The following KNL1 variants were observed in gnomAD, a reference collection of about 807,000 sequenced individuals.
The protein encoded by KNL1 is outer kinetochore KNL1 complex subunit KNL1.
KNL1 carries 66 observed loss-of-function variants against 201.3 expected under a neutral mutation model. The ratio of observed to expected loss-of-function variants is 0.33; its 90% CI spans 0.27 to 0.40. KNL1 has a LOEUF of 0.40. Among genes scored for constraint, KNL1 ranks in the 10% least tolerant of loss-of-function variants. KNL1 has a pLI of 1.00. For missense variants in KNL1, 2,815 were observed against 2,690.5 expected, an observed-to-expected ratio of 1.05 and a Z score of -1.02; for synonymous variants, 895 against 899.2, an observed-to-expected ratio of 1.00 and a Z score of 0.08.
intron 13 of KNL1, among the ~76,000 whole-genome samples, chr15:40,633,834 A>G (rs574054629): frequency 2.0e-5 from 3 of 152,222 alleles, no homozygotes; most frequent in African/African-American, 7.2e-5. Context: ...CACCATGCCC[A>G]GCCCTTATCG....
In KNL1 at chr15:40,622,686, T is replaced by C; in HGVS notation, c.2422T>C (p.Cys808Arg). The change falls in exon 10 of 26, where the codon TGT becomes CGT. Residue 808 changes from cysteine (C) to arginine (R), a missense_variant. Physicochemically the swap from Cys to Arg is radical, Grantham distance 180. Transcript: ENST00000399668. ...ACAGATAGCTGTAAAAGTTGAAAAA[T>C]GTGGTAAAAGTCCCATAGAAAAAAG... ...NRQIAVKVEK[C>R]GKSPIEKSGV... 6.3e-7 allele frequency: 1 copy of C among 1,590,628 alleles called. No individual in the cohort carries two copies. The highest frequency in any genetic ancestry group is 8.5e-7 in the Non-Finnish European group (1 of 1,171,340).
At chr15:40,634,607 C>G (rs1352352506) in intron 13 of KNL1, among the ~76,000 whole-genome samples, 2 of 152,134 alleles carry the variant, frequency 1.3e-5, no homozygotes, top group Non-Finnish European at 2.9e-5. Context: ...ACCATGATAG[C>G]TGCCAGTAGA....
intron 13 of KNL1, among the ~76,000 whole-genome samples, chr15:40,632,344 C>T (rs1280219372): frequency 1.3e-5 from 2 of 152,078 alleles, no homozygotes; most frequent in African/African-American, 2.4e-5. Context: ...TGCCATGGCT[C>T]ACATCTGTAA....
chr15:40,642,740 G>C (rs1041977355), intron 14 of KNL1, among the ~76,000 whole-genome samples: 3 of 152,082 alleles, frequency 2.0e-5, no homozygotes, highest in African/African-American at 4.8e-5. Context: ...CGATTCTCTT[G>C]CCTCAGCCTC....
intron 10 of KNL1, among the ~76,000 whole-genome samples, chr15:40,626,260 C>A (rs1051323730): frequency 1.3e-5 from 2 of 151,056 alleles, no homozygotes; most frequent in Non-Finnish European, 3.0e-5. Flanking sequence ...TCAAGTGATT[C>A]TCCTGCCTCA....
At chr15:40,661,838 C>A (rs182833289) in intron 25 of KNL1, among the ~76,000 whole-genome samples, 1 of 151,920 alleles carries the variant, frequency 6.6e-6, no homozygotes, top group Admixed American at 6.6e-5. Flanking sequence ...GCCAGGAGAT[C>A]GAGACCATCC....
In KNL1 at chr15:40,629,902, G is replaced by C. The variant is rs1892864961; in HGVS notation, c.5682+531G>C. 1.3e-5 allele frequency among the ~76,000 whole-genome samples: 2 copies of C among 152,028 alleles called. 1 individual carries two copies. Among genetic ancestry groups the C allele is most frequent in the South Asian group, 4.1e-4 (2 of 4,822 alleles). Reference sequence around the variant, plus strand: ...CATGGATTTCGATAAGATAAAATTTGAATTTTCCCTTCATTCCTTGCCATC... The same window carrying C: ...CATGGATTTCGATAAGATAAAATTTCAATTTTCCCTTCATTCCTTGCCATC... On this transcript the variant is annotated intron_variant, in intron 13 of 25. Coordinates refer to ENST00000399668, the MANE Select transcript of KNL1 (RefSeq NM_144508.5).
At chr15:40,655,082 G>C in intron 22 of KNL1, 105 bp downstream of exon 22, 2 of 799,768 alleles carry the variant, frequency 2.5e-6, no homozygotes, top group South Asian at 3.1e-5. Context: ...TGGATCACCA[G>C]GGGTCAGGAG....
At position 40,618,792 on chromosome 15, in the gene KNL1, G is replaced by A. The variant is rs547914081; in HGVS notation, c.323-167G>A. Among the ~76,000 whole-genome samples, 185 of 152,150 alleles carry A rather than the reference G, an allele frequency of 1.2e-3. 1 individual carries two copies. Among genetic ancestry groups the A allele is most frequent in the Non-Finnish European group, 2.1e-3 (144 of 68,002 alleles). On this transcript the variant is annotated intron_variant, in intron 8 of 25. Transcript: ENST00000399668. ...GTAACACAAAAATATGTACAACAATGATGTATCAATTTTTAAAAAATTAAA... is the reference window on the plus strand; with the variant it reads ...GTAACACAAAAATATGTACAACAATAATGTATCAATTTTTAAAAAATTAAA...
At chr15:40,653,547 T>A (rs75902045) in intron 21 of KNL1, among the ~76,000 whole-genome samples, 1,951 of 152,278 alleles carry the variant, frequency 0.013, 44 homozygotes, top group African/African-American at 0.044. Context: ...CTGTCAATAA[T>A]CATCTCTAAC....
chr15:40,615,680 G>T (rs369191429), intron 8 of KNL1: 1 of 158,620 alleles, frequency 6.3e-6, no homozygotes, highest in Non-Finnish European at 1.4e-5. Context: ...CAGGGGAATC[G>T]CTTGAACCCA....
At chr15:40,629,471 C>CTTTTT in intron 13 of KNL1, 100 bp downstream of exon 13, 1 of 190,768 alleles carries the variant, frequency 5.2e-6, no homozygotes, top group Non-Finnish European at 9.2e-6. Flanking sequence ...AGAGAGTTTT[C>CTTTTT]TTTTTTTTTT....
chr15:40,650,529 TTTC>T lies in KNL1; in HGVS notation c.6173-13_6173-11del. On this transcript the variant is annotated splice_polypyrimidine_tract_variant and intron_variant, in intron 18 of 25. Transcript: ENST00000399668. Reference sequence around the variant, plus strand: ...ATATGTTTGTTCTGTTTTTTTTTTTTTTCTGTTTCCAAAGAATTGGAACAGCTG... The same window carrying T: ...ATATGTTTGTTCTGTTTTTTTTTTTTTGTTTCCAAAGAATTGGAACAGCTG... The T allele has an allele frequency of 6.4e-7, 1 of 1,556,038 alleles. No individual in the cohort carries two copies. Among genetic ancestry groups the T allele is most frequent in the South Asian group, 1.2e-5 (1 of 81,836 alleles).
In KNL1 at chr15:40,663,840, T is replaced by A. The variant is rs1442041569; in HGVS notation, c.*1652T>A. ...TTTGTCTCAAAATTTTGCTTTATAT[T>A]TTTGGATCAGGTTAAAGTCCTGTGG... On this transcript the variant is annotated 3_prime_UTR_variant, in exon 26 of 26. Transcript: ENST00000399668. 1.0e-5 allele frequency: 2 copies of A among 193,020 alleles called. No homozygotes were observed. The highest frequency in any genetic ancestry group is 1.1e-5 in the Non-Finnish European group (1 of 92,556). 12.0% of individuals were successfully genotyped at this position (193,020 alleles called of 1,614,324 possible).
chr15:40,626,390 C>T (rs1003339753), intron 10 of KNL1, among the ~76,000 whole-genome samples: 6 of 149,492 alleles, frequency 4.0e-5, no homozygotes, highest in East Asian at 2.0e-4. Context: ...AGGCTGGTCT[C>T]GAACTCCTGA....
At position 40,623,805 on chromosome 15, in the gene KNL1, A is replaced by G. The variant is rs757300073; in HGVS notation, c.3541A>G (p.Lys1181Glu). Residue 1181 changes from lysine to glutamate, a missense_variant, in exon 10 of 26, where the codon AAA becomes GAA. By Grantham distance (56) the Lys-to-Glu change is moderately conservative. Coordinates refer to ENST00000399668, the MANE Select transcript of KNL1 (RefSeq NM_144508.5). ...TTTCATTGACTGTCAAGCCACAGAGAAAATACTTGAAGAAAACCCTAAATT... is the reference window on the plus strand; with the variant it reads ...TTTCATTGACTGTCAAGCCACAGAGGAAATACTTGAAGAAAACCCTAAATT... ...TVFIDCQATE[K>E]ILEENPKFGI... is the part of the protein sequence containing the mutation. The G allele has an allele frequency of 1.2e-6, 2 of 1,613,646 alleles. No homozygotes were observed. Among genetic ancestry groups the G allele is most frequent in the South Asian group, 1.1e-5 (1 of 91,046 alleles).
chr15:40,646,907 C>A, intron 16 of KNL1, 80 bp from the exon 17 acceptor site: 2 of 621,106 alleles, frequency 3.2e-6, no homozygotes, highest in South Asian at 1.8e-5. Flanking sequence ...CATGATAGAG[C>A]GATTATGTGA....
chr15:40,645,442 G>A (rs533784773), intron 15 of KNL1, among the ~76,000 whole-genome samples: 25 of 152,272 alleles, frequency 1.6e-4, no homozygotes, highest in African/African-American at 5.8e-4. Context: ...TTAACTAAGA[G>A]CCTGTCATTT....
intron 17 of KNL1, among the ~76,000 whole-genome samples, chr15:40,648,722 C>G (rs1893467465): frequency 1.3e-5 from 2 of 152,118 alleles, no homozygotes; most frequent in Non-Finnish European, 2.9e-5. Flanking sequence ...CCATTCCAAC[C>G]TGCACATTGC....
Sources: gnomAD v4.1 joint callset for allele counts (sites outside exome capture counted in the v4.1 genomes callset) on GRCh38, gnomAD v4.1.1 for gene constraint, MANE v1.5 for transcripts, NCBI Gene and HGNC (gene_info 2026-07-23, HGNC 2026-07-21) for gene names.